SOX5: variants seen among roughly 807,000 people sequenced by gnomAD.
SOX5 encodes the protein transcription factor SOX-5.
In SOX5, 9 loss-of-function variants were observed where a neutral mutation model predicts 92.0. The observed-to-expected ratio is 0.10, with a 90% CI of 0.06 to 0.17. The LOEUF (loss-of-function observed/expected upper bound fraction) is 0.17, where lower values mean the gene tolerates loss of function less well. Among genes scored for constraint, SOX5 ranks in the 10% least tolerant of loss-of-function variants. The pLI, the probability that SOX5 is intolerant of heterozygous loss-of-function variation, is 1.00. For synonymous variants in SOX5, 344 were observed against 336.3 expected (o/e 1.02, Z -0.25); for missense variants, 642 against 944.5 (o/e 0.68, Z 4.20).
chr12:23,799,915 C>A (rs1029474199), intron 3 of SOX5, among the ~76,000 whole-genome samples: 2 of 151,820 alleles, frequency 1.3e-5, no homozygotes, highest in African/African-American at 4.8e-5. Flanking sequence ...CAGGTAATAA[C>A]CTAGATTAAT....
intron 1 of SOX5, among the ~76,000 whole-genome samples, chr12:23,901,112 A>G (rs2097226748): frequency 6.6e-6 from 1 of 152,198 alleles, no homozygotes; most frequent in Non-Finnish European, 1.5e-5. Flanking sequence ...TATTCTGAAT[A>G]TTGTTGGTGG....
At chr12:23,838,738 C>T (rs2096467757) in intron 3 of SOX5, among the ~76,000 whole-genome samples, 1 of 151,140 alleles carries the variant, frequency 6.6e-6, no homozygotes, top group South Asian at 2.1e-4. Flanking sequence ...TTCTTTGTGT[C>T]TACATTTCCT....
At chr12:24,298,629 G>A (rs2140602155) in intron 2 of SOX5, among the ~76,000 whole-genome samples, 1 of 151,998 alleles carries the variant, frequency 6.6e-6, no homozygotes, top group African/African-American at 2.4e-5. Context: ...CAGTTTCTAT[G>A]TGTCACCTAT....
chr12:23,955,735 T>C (rs914206990), upstream of SOX5, among the ~76,000 whole-genome samples: 5 of 151,106 alleles, frequency 3.3e-5, 1 homozygote, highest in South Asian at 1.1e-3. Context: ...AATCGGAAGG[T>C]TTCTTTTGAG....
intron 4 of SOX5, among the ~76,000 whole-genome samples, chr12:24,178,717 T>C (rs1156670904): frequency 6.6e-6 from 1 of 152,250 alleles, no homozygotes; most frequent in East Asian, 1.9e-4. Flanking sequence ...AAAGCTAAGT[T>C]GTCTGGCACC....
intron 2 of SOX5, among the ~76,000 whole-genome samples, chr12:23,880,540 T>C (rs2096976738): frequency 2.0e-5 from 3 of 152,038 alleles, no homozygotes; most frequent in Non-Finnish European, 2.9e-5. Context: ...GGGTGAGAAA[T>C]TAATCTCAAC....
intron 6 of SOX5, among the ~76,000 whole-genome samples, chr12:23,708,186 T>A (rs1015056796): frequency 3.3e-5 from 5 of 151,668 alleles, no homozygotes; most frequent in Non-Finnish European, 5.9e-5. Flanking sequence ...GGAACTATTT[T>A]TTTTTTTTCT....
chr12:24,436,584 T>C (rs1006983607), intron 1 of SOX5, among the ~76,000 whole-genome samples: 1 of 152,154 alleles, frequency 6.6e-6, no homozygotes, highest in African/African-American at 2.4e-5. Flanking sequence ...GCCATCTCCA[T>C]AACATAAAAG....
chr12:23,946,160 C>G (rs146103144), intron 1 of SOX5, among the ~76,000 whole-genome samples: 33 of 152,158 alleles, frequency 2.2e-4, no homozygotes, highest in African/African-American at 7.2e-4. Context: ...TTGTAGTGTT[C>G]CTTTCAACAT....
chr12:24,477,230 C>T (rs1242852368), intron 1 of SOX5, among the ~76,000 whole-genome samples: 2 of 151,474 alleles, frequency 1.3e-5, no homozygotes, highest in Non-Finnish European at 2.9e-5. Context: ...ACCTCCTGGG[C>T]TCGAGCGATT....
At chr12:24,135,747 C>A (rs1406036366) in intron 4 of SOX5, among the ~76,000 whole-genome samples, 1 of 152,002 alleles carries the variant, frequency 6.6e-6, no homozygotes, top group African/African-American at 2.4e-5. Flanking sequence ...ATGGTCTGGA[C>A]CTTCGGAGAA....
At chr12:24,076,096 G>C (rs147323555) in intron 4 of SOX5, among the ~76,000 whole-genome samples, 1 of 152,118 alleles carries the variant, frequency 6.6e-6, no homozygotes, top group African/African-American at 2.4e-5. Flanking sequence ...GTTTTTTGTC[G>C]TTGGTTTCTT....
intron 1 of SOX5, among the ~76,000 whole-genome samples, chr12:23,921,978 A>G (rs575392376): frequency 5.3e-5 from 8 of 152,208 alleles, no homozygotes; most frequent in Admixed American, 1.3e-4. Flanking sequence ...CTTCCAGCAT[A>G]TAACAATTAT....
At chr12:24,278,185 A>G (rs1944716444) in intron 2 of SOX5, among the ~76,000 whole-genome samples, 1 of 152,202 alleles carries the variant, frequency 6.6e-6, no homozygotes, top group Admixed American at 6.5e-5. Context: ...CTGATTATTC[A>G]GTTTTGATCA....
chr12:24,076,699 C>CTT lies in SOX5; in HGVS notation c.-2+136642_-2+136643dup, dbSNP rs11302877. 5.3e-3 allele frequency among the ~76,000 whole-genome samples: 547 copies of CTT among 102,866 alleles called. 21 individuals carry two copies. The highest frequency in any genetic ancestry group is 0.014 in the Middle Eastern group (2 of 142). 67.5% of individuals were successfully genotyped at this position (102,866 alleles called of 152,430 possible). A position where few individuals can be genotyped will look rare whatever the true frequency, so the allele number is the denominator to read the frequency against. On this transcript the variant is annotated intron_variant, in intron 4 of 4. Coordinates refer to the SOX5 transcript ENST00000446891. ...AATACTAAAAAAGATCCAAAGCTGC[C>CTT]TTTTTTTTTTTTTTTTTTTTTGTAA...
chr12:24,250,070 T>C (rs778107154), intron 3 of SOX5, among the ~76,000 whole-genome samples: 26 of 152,162 alleles, frequency 1.7e-4, no homozygotes, highest in Non-Finnish European at 3.4e-4. Context: ...AAGGAAACAA[T>C]AGTTATATCA....
At chr12:24,309,625 A>T (rs1948976021) in intron 2 of SOX5, among the ~76,000 whole-genome samples, 1 of 152,196 alleles carries the variant, frequency 6.6e-6, no homozygotes, top group Non-Finnish European at 1.5e-5. Context: ...AAAGTTTCAC[A>T]AGGACACCTG....
At chr12:24,529,894 C>T (rs995997586) in intron 1 of SOX5, among the ~76,000 whole-genome samples, 1 of 152,052 alleles carries the variant, frequency 6.6e-6, no homozygotes, top group Non-Finnish European at 1.5e-5. Context: ...GTGGCGGGCG[C>T]CTGTAGTCCC....
chr12:24,331,873 A>AAAAAAAAAAAAAT (rs777785887), intron 2 of SOX5, among the ~76,000 whole-genome samples: 2 of 141,200 alleles, frequency 1.4e-5, no homozygotes, highest in Non-Finnish European at 3.2e-5. Flanking sequence ...AAAAAAAAAA[A>AAAAAAAAAAAAAT]AAGGAAAGAA....
Sources: gnomAD v4.1 joint callset for allele counts (sites outside exome capture counted in the v4.1 genomes callset) on GRCh38, gnomAD v4.1.1 for gene constraint, MANE v1.5 for transcripts, NCBI Gene and HGNC (gene_info 2026-07-23, HGNC 2026-07-21) for gene names.